The following ARFGEF2 variants were observed in gnomAD, a reference collection of about 807,000 sequenced individuals.
ARFGEF2 encodes the protein brefeldin A-inhibited guanine nucleotide-exchange protein 2.
ARFGEF2 carries 74 observed loss-of-function variants against 219.9 expected under a neutral mutation model. The ratio of observed to expected loss-of-function variants is 0.34; its 90% CI spans 0.28 to 0.41. The LOEUF (loss-of-function observed/expected upper bound fraction) is 0.41. Among genes scored for constraint, ARFGEF2 ranks in the 10% least tolerant of loss-of-function variants. ARFGEF2 has a pLI of 1.00. For missense variants in ARFGEF2, 1,743 were observed against 2,218.3 expected (o/e 0.79, Z 4.30); for synonymous variants, 733 against 799.2 (o/e 0.92, Z 1.40).
intron 20 of ARFGEF2, 59 bp downstream of exon 20, chr20:48,989,743 G>A (rs749706390): frequency 6.2e-7 from 1 of 1,609,480 alleles, no homozygotes. Context: ...TTTAGATTTG[G>A]CAAAACTTAG....
At chr20:48,985,677 A>T in intron 16 of ARFGEF2, 64 bp downstream of exon 16, 1 of 1,546,504 alleles carries the variant, frequency 6.5e-7, no homozygotes, top group African/African-American at 1.4e-5. Flanking sequence ...GCTAATTCTA[A>T]TTTGGTTGGG....
intron 11 of ARFGEF2, 91 bp from the exon 12 acceptor site, chr20:48,973,054 T>G: frequency 6.8e-7 from 1 of 1,479,564 alleles, no homozygotes; most frequent in Non-Finnish European, 9.4e-7. Flanking sequence ...TGTAGTTCAC[T>G]GGGGAAATTT....
At chr20:49,026,598 T>C (rs1168625067) in intron 36 of ARFGEF2, among the ~76,000 whole-genome samples, 1 of 150,798 alleles carries the variant, frequency 6.6e-6, no homozygotes, top group Non-Finnish European at 1.5e-5. Context: ...TTTTTTTTTT[T>C]TTTTTGAGGC....
At chr20:48,998,975 C>T (rs554513799) in intron 25 of ARFGEF2, among the ~76,000 whole-genome samples, 3 of 152,344 alleles carry the variant, frequency 2.0e-5, no homozygotes, top group South Asian at 2.1e-4. Context: ...TAGTGGCTCA[C>T]GCCTGTAATC....
intron 16 of ARFGEF2, among the ~76,000 whole-genome samples, chr20:48,986,989 G>A (rs2091330154): frequency 6.6e-6 from 1 of 152,200 alleles, no homozygotes; most frequent in Non-Finnish European, 1.5e-5. Context: ...ACAAATGTGA[G>A]CTACCACACC....
chr20:48,962,663 C>T (rs567156359), intron 6 of ARFGEF2, among the ~76,000 whole-genome samples: 6 of 152,176 alleles, frequency 3.9e-5, no homozygotes, highest in African/African-American at 1.4e-4. Context: ...TTCCCTTTGC[C>T]TTCTAGGAAA....
At position 48,952,808 on chromosome 20, in the gene ARFGEF2, T is replaced by A; in HGVS notation, c.527T>A (p.Leu176His). ...CYNIYLASKN[L>H]INQTTAKATL... Reference sequence around the variant, plus strand: ...AATATCTATTTGGCCAGCAAAAATCTCATCAATCAAACCACTGCCAAGGCT... The same window carrying A: ...AATATCTATTTGGCCAGCAAAAATCACATCAATCAAACCACTGCCAAGGCT... Residue 176 changes from leucine (L) to histidine (H), a missense_variant, in exon 5 of 39, where the codon CTC becomes CAC. This residue lies in a region of ARFGEF2 where 394 missense variants were observed against 426.6 expected (regional missense o/e 0.92). Transcript: ENST00000371917. The A allele has an allele frequency of 6.2e-7, 1 of 1,614,212 alleles. No homozygotes were observed. The highest frequency in any genetic ancestry group is 8.5e-7 in the Non-Finnish European group (1 of 1,180,042).
intron 36 of ARFGEF2, among the ~76,000 whole-genome samples, chr20:49,026,672 A>G (rs891113229): frequency 6.9e-6 from 1 of 144,884 alleles, no homozygotes; most frequent in Non-Finnish European, 1.5e-5. Context: ...TGCAGTCTCT[A>G]CCTCCCGGGT....
chr20:48,930,575 G>C (rs34832487), intron 1 of ARFGEF2, among the ~76,000 whole-genome samples: 24,581 of 152,192 alleles, frequency 0.16, 2,601 homozygotes, highest in Non-Finnish European at 0.24. Context: ...GGTGGATGGT[G>C]CCTATTTTTT....
chr20:48,956,044 G>A (rs765075393), intron 6 of ARFGEF2, among the ~76,000 whole-genome samples: 2 of 152,214 alleles, frequency 1.3e-5, no homozygotes, highest in Non-Finnish European at 1.5e-5. Context: ...TCCTTCAGAA[G>A]AGGGAGTTGA....
rs146249124 is a variant in ARFGEF2, at chr20:48,951,253, G to C, written c.277-70G>C. ...CTGGAAGTGCCTGTCTTTTGCTCTT[G>C]TGGGCTGCCACGGAAGGCCTCAGTC... On this transcript the variant is annotated intron_variant, in intron 3 of 38. Coordinates refer to ENST00000371917, the MANE Select transcript of ARFGEF2 (RefSeq NM_006420.3). 7.7e-3 allele frequency: 12,130 copies of C among 1,583,892 alleles called. 58 individuals carry two copies. Among genetic ancestry groups the C allele is most frequent in the Middle Eastern group, 0.013 (69 of 5,296 alleles).
intron 38 of ARFGEF2, 51 bp from the exon 39 acceptor site, chr20:49,032,972 C>CAA: frequency 6.8e-7 from 1 of 1,460,936 alleles, no homozygotes. Context: ...AAACTGGTGC[C>CAA]CAAAAAAAAA....
At chr20:48,928,564 G>A (rs532028015) in intron 1 of ARFGEF2, among the ~76,000 whole-genome samples, 20 of 145,110 alleles carry the variant, frequency 1.4e-4, no homozygotes, top group South Asian at 6.5e-4. Flanking sequence ...GCGTGATCTC[G>A]GCTCACTGCA....
chr20:49,013,132 A>G (rs1306844514), intron 28 of ARFGEF2, among the ~76,000 whole-genome samples: 2 of 152,214 alleles, frequency 1.3e-5, no homozygotes, highest in African/African-American at 2.4e-5. Flanking sequence ...ATCCATGAAA[A>G]GAACTTTAAC....
intron 6 of ARFGEF2, among the ~76,000 whole-genome samples, 185 bp downstream of exon 6, chr20:48,953,975 G>C (rs985902664): frequency 6.6e-6 from 1 of 152,184 alleles, no homozygotes; most frequent in Non-Finnish European, 1.5e-5. Context: ...CAAGTGTCCC[G>C]TTGTCAGCTG....
intron 37 of ARFGEF2, 41 bp from the exon 38 acceptor site, chr20:49,032,008 A>G (rs370078138): frequency 1.6e-5 from 21 of 1,299,572 alleles, no homozygotes; most frequent in Non-Finnish European, 2.2e-5. Context: ...TGAGATGTTA[A>G]TCAATTGTTT....
intron 25 of ARFGEF2, 134 bp from the exon 26 acceptor site, chr20:49,004,936 T>G: frequency 1.0e-6 from 1 of 986,734 alleles, no homozygotes; most frequent in Non-Finnish European, 1.6e-6. Context: ...AGAAATAGCA[T>G]TTTCTTTTCT....
Position 49,013,460 on chromosome 20 carries a change from T to C in ARFGEF2, c.3919-104T>C, listed in dbSNP as rs948720470. The C allele has an allele frequency of 3.8e-5, 55 of 1,466,246 alleles. No homozygotes were observed. The East Asian group carries it at 1.3e-3, about 33-fold the overall frequency. The allele number at this position is 1,466,246 out of a possible 1,614,324, so 90.8% of individuals were successfully genotyped here. ...CTGTACCCTTGCTGAATGGAGATTT[T>C]TGGGAGAGAAAAATGTGTGGGGCCT... On this transcript the variant is annotated intron_variant, in intron 28 of 38. Coordinates refer to ENST00000371917, the MANE Select transcript of ARFGEF2 (RefSeq NM_006420.3).
At chr20:49,022,176 A>AG (rs2123553936) in intron 34 of ARFGEF2, among the ~76,000 whole-genome samples, 1 of 151,260 alleles carries the variant, frequency 6.6e-6, no homozygotes, top group South Asian at 2.1e-4. Context: ...AAAAAAAAAA[A>AG]TGTTAACTAG....
Sources: gnomAD v4.1 joint callset for allele counts (sites outside exome capture counted in the v4.1 genomes callset) on GRCh38, gnomAD v4.1.1 for gene constraint, gnomAD v4.1.1 regional missense constraint, MANE v1.5 for transcripts, NCBI Gene and HGNC (gene_info 2026-07-23, HGNC 2026-07-21) for gene names.